ARL13A: variants seen among roughly 807,000 people sequenced by gnomAD.
The protein encoded by ARL13A is ADP-ribosylation factor-like protein 13A.
In ARL13A, 16 loss-of-function variants were observed where a neutral mutation model predicts 19.1. The observed-to-expected ratio is 0.84, with a 90% CI of 0.57 to 1.27. The LOEUF (loss-of-function observed/expected upper bound fraction) is 1.27. Ranked by LOEUF, ARL13A falls within the 50% of genes most tolerant of loss-of-function variation. ARL13A has a pLI of 0.00. For missense variants in ARL13A, 153 were observed against 186.4 expected (o/e 0.82, Z 1.04); for synonymous variants, 69 against 71.3 (o/e 0.97, Z 0.17).
At chrX:100,970,829 C>T (rs1466758685) in intron 1 of ARL13A, among the ~76,000 whole-genome samples, 1 of 111,362 alleles carries the variant, frequency 9.0e-6, no homozygotes, top group African/African-American at 3.3e-5. Context: ...TACCTCACAC[C>T]CACTAGGATA....
chrX:100,980,063 CTGAG>C (rs1175810519), intron 3 of ARL13A, among the ~76,000 whole-genome samples: 7 of 110,905 alleles, frequency 6.3e-5, no homozygotes, highest in Non-Finnish European at 1.3e-4. Context: ...CAACACAGTA[CTGAG>C]TCTCACCTAA....
At chrX:100,970,902 C>T in intron 1 of ARL13A, among the ~76,000 whole-genome samples, 1 of 112,160 alleles carries the variant, frequency 8.9e-6, no homozygotes, top group Non-Finnish European at 1.9e-5. Context: ...CTTTGCAAAA[C>T]AGTCTGGCAG....
intron 1 of ARL13A, among the ~76,000 whole-genome samples, chrX:100,972,594 C>A (rs1602433832): frequency 1.8e-5 from 1 of 54,877 alleles, no homozygotes; most frequent in Admixed American, 1.7e-4. Context: ...GGGCTCCTCA[C>A]TTCCCAGTAG....
chrX:100,988,245 T>C lies in ARL13A; in HGVS notation c.706T>C (p.Cys236Arg). The C allele has an allele frequency of 6.6e-6, 8 of 1,209,370 alleles. No individual in the cohort carries two copies. Among genetic ancestry groups the C allele is most frequent in the Non-Finnish European group, 7.8e-6 (7 of 894,432 alleles). Residue 236 changes from cysteine (C) to arginine (R), a missense_variant, in exon 7 of 8, where the codon TGC becomes CGC. By Grantham distance (180) the Cys-to-Arg change is radical. Coordinates refer to ENST00000450049, the MANE Select transcript of ARL13A (RefSeq NM_001162491.2). ...SKEKRQHLEQ[C>R]SIEAKPLKSI... ...GGAGAAAAGACAGCATCTAGAACAA[T>C]GCTCAATCGAAGCTAAGCCTCTAAA...
In ARL13A at chrX:100,985,712, C is replaced by T. The variant is rs747523764; in HGVS notation, c.176C>T (p.Thr59Ile). Residue 59 changes from threonine to isoleucine, a missense_variant, in exon 4 of 8, where the codon ACA becomes ATA. Physicochemically the swap from Thr to Ile is moderately conservative, Grantham distance 89. Transcript: ENST00000450049. ...CATTGCATGAAATCGGAACTGACTACACTTTTGTTAGATGAGTATGAACTT... is the reference window on the plus strand; with the variant it reads ...CATTGCATGAAATCGGAACTGACTATACTTTTGTTAGATGAGTATGAACTT... The part of the protein sequence containing the change: ...TDHCMKSELT[T>I]LLLDEYELSI... 10 of 1,210,891 alleles carry T rather than the reference C, an allele frequency of 8.3e-6. No homozygotes were observed. The South Asian group carries it at 1.1e-4, about 13-fold the overall frequency.
At chrX:100,972,584 G>A (rs2147958923) in intron 1 of ARL13A, among the ~76,000 whole-genome samples, 1 of 57,601 alleles carries the variant, frequency 1.7e-5, no homozygotes, top group East Asian at 5.9e-4. Flanking sequence ...CCGGGCAGAG[G>A]GGCTCCTCAC....
chrX:100,982,469 A>AT (rs1163004856), intron 3 of ARL13A, among the ~76,000 whole-genome samples: 1 of 57,120 alleles, frequency 1.8e-5, no homozygotes, highest in African/African-American at 5.5e-5. Flanking sequence ...TCCAGGCTTA[A>AT]AAAATAAATA....
At position 100,985,702 on chromosome X, in the gene ARL13A, G is replaced by A. The variant is rs200943867; in HGVS notation, c.166G>A (p.Glu56Lys). 2,144 of 1,208,538 alleles carry A rather than the reference G, an allele frequency of 1.8e-3. 1 individual carries two copies. The highest frequency in any genetic ancestry group is 2.0e-3 in the Non-Finnish European group (1,791 of 894,674). The change falls in exon 4 of 8, where the codon GAA (glutamate) becomes AAA (lysine). Residue 56 changes from glutamate (E) to lysine (K), a missense_variant. Glu to Lys is a moderately conservative substitution (Grantham distance 56). Coordinates refer to ENST00000450049, the MANE Select transcript of ARL13A (RefSeq NM_001162491.2). Reference protein sequence around the residue: ...PSKTDHCMKSELTTLLLDEYE... With the variant: ...PSKTDHCMKSKLTTLLLDEYE... ...TAAGACAGACCATTGCATGAAATCG[G>A]AACTGACTACACTTTTGTTAGATGA... is the stretch of plus-strand genomic sequence containing the variant.
chrX:100,986,844 T>G lies in ARL13A; in HGVS notation c.429T>G (p.Ile143Met). 8.3e-7 allele frequency: 1 copy of G among 1,207,564 alleles called. No individual in the cohort carries two copies. Among genetic ancestry groups the G allele is most frequent in the Non-Finnish European group, 1.1e-6 (1 of 893,150 alleles). The part of the protein sequence containing the change: ...DKKKALMPCD[I>M]IDYLLLKKLV... ...AGAAAGCCCTCATGCCTTGTGATAT[T>G]ATTGACTATCTACTTCTAAAGAAGC... is the stretch of plus-strand genomic sequence containing the variant. The change falls in exon 5 of 8, where the codon ATT becomes ATG. Residue 143 changes from isoleucine to methionine, a missense_variant. Transcript: ENST00000450049.
At chrX:100,989,586 G>A (rs1289017245) in intron 7 of ARL13A, among the ~76,000 whole-genome samples, 2 of 105,740 alleles carry the variant, frequency 1.9e-5, no homozygotes, top group African/African-American at 6.9e-5. Context: ...CTCCAGCCTG[G>A]CAACAGAGCG....
Position 100,983,450 on chromosome X carries a change from G to A in ARL13A, c.131-2217G>A, listed in dbSNP as rs1262684535. Among the ~76,000 whole-genome samples the A allele has an allele frequency of 3.6e-5, 4 of 110,112 alleles. 1 individual carries two copies. The South Asian group carries it at 1.2e-3, about 33-fold the overall frequency. On this transcript the variant is annotated intron_variant, in intron 3 of 7. Transcript: ENST00000450049. ...CAGCTCACTGCAACCTCTGCCTCCCGGGTTCAAGTGATTCTCCTGCTTCAG... is the reference window on the plus strand; with the variant it reads ...CAGCTCACTGCAACCTCTGCCTCCCAGGTTCAAGTGATTCTCCTGCTTCAG...
At chrX:100,976,937 G>A (rs773263680) in intron 3 of ARL13A, among the ~76,000 whole-genome samples, 1 of 112,689 alleles carries the variant, frequency 8.9e-6, no homozygotes, top group East Asian at 2.8e-4. Flanking sequence ...AATTGCCTAG[G>A]AAGGAAATGC....
Position 100,985,912 on chromosome X carries a change from T to C in ARL13A, c.376T>C (p.Leu126=), listed in dbSNP as rs771665957. The C allele has an allele frequency of 1.0e-5, 12 of 1,204,518 alleles. No homozygotes were observed. The South Asian group carries it at 1.6e-4, about 16-fold the overall frequency. ...SDKRVAGKPI[L]ILANKQDKKK... The stretch of plus-strand genomic sequence containing the variant: ...TAAAAGAGTGGCAGGGAAACCCATC[T>C]TAATGTAAGATTCTGCCTTTCTGTC... Residue 126 remains leucine, a synonymous_variant, in exon 4 of 8, where the codon TTA becomes CTA. Coordinates refer to ENST00000450049, the MANE Select transcript of ARL13A (RefSeq NM_001162491.2).
At chrX:100,983,303 T>C (rs934887177) in intron 3 of ARL13A, among the ~76,000 whole-genome samples, 2 of 110,881 alleles carry the variant, frequency 1.8e-5, no homozygotes, top group Non-Finnish European at 3.8e-5. Context: ...AAAAAAAATA[T>C]ATAAAGCTTT....
At chrX:100,983,755 C>G (rs1327776426) in intron 3 of ARL13A, among the ~76,000 whole-genome samples, 1 of 111,633 alleles carries the variant, frequency 9.0e-6, no homozygotes, top group East Asian at 2.8e-4. Context: ...TTTAACAGTT[C>G]ATTGCCTAAC....
intron 1 of ARL13A, among the ~76,000 whole-genome samples, chrX:100,971,072 C>T (rs1421046815): frequency 9.2e-6 from 1 of 109,247 alleles, no homozygotes. Context: ...AATCCACTTT[C>T]CAAGGATGAA....
chrX:100,988,122 T>C (rs1279084189), intron 6 of ARL13A, 71 bp from the exon 7 acceptor site: 2 of 834,687 alleles, frequency 2.4e-6, no homozygotes, highest in South Asian at 2.4e-5. Context: ...GATGGGGTAG[T>C]AGCTGCATTA....
chrX:100,979,164 A>G (rs1047947566), intron 3 of ARL13A, among the ~76,000 whole-genome samples: 1 of 111,860 alleles, frequency 8.9e-6, no homozygotes, highest in Admixed American at 9.5e-5. Flanking sequence ...ACATACCACA[A>G]TTACAGTATT....
chrX:100,972,348 CGGGCGGGGGGCT>C (rs1425961003), intron 1 of ARL13A, among the ~76,000 whole-genome samples: 5 of 93,229 alleles, frequency 5.4e-5, no homozygotes, highest in African/African-American at 2.0e-4. Flanking sequence ...GGCGGCTGGC[CGGGCGGGGGGCT>C]GACCCCCCAA....
Sources: allele counts gnomAD v4.1 joint callset (sites outside exome capture counted in the v4.1 genomes callset), GRCh38; gene constraint gnomAD v4.1.1; transcripts MANE v1.5; gene names NCBI Gene and HGNC (gene_info 2026-07-23, HGNC 2026-07-21).